Variants in MPP4 observed in about 807,000 individuals in gnomAD.
The protein encoded by MPP4 is MAGUK p55 scaffold protein 4.
A neutral mutation model predicts 98.3 loss-of-function variants in MPP4; 91 were observed. That is an observed-to-expected ratio of 0.93 (90% CI 0.78 to 1.10). The LOEUF is 1.10. Among genes scored for constraint, MPP4 ranks in the 50% least tolerant of loss-of-function variants. The pLI is 0.00. For missense variants in MPP4, 744 were observed against 792.9 expected, an observed-to-expected ratio of 0.94 and a Z score of 0.74; for synonymous variants, 261 against 271.8, an observed-to-expected ratio of 0.96 and a Z score of 0.39.
Position 201,665,116 on chromosome 2 carries a change from A to G in MPP4, c.1052-1015T>C, listed in dbSNP as rs960367237. The G allele has an allele frequency of 3.0e-5, 4 of 132,856 alleles. No homozygotes were observed. The East Asian group carries it at 7.0e-4, about 23-fold the overall frequency. The allele number at this position is 132,856 out of a possible 1,614,324, so 8.2% of individuals were successfully genotyped here. On this transcript the variant is annotated intron_variant, in intron 13 of 21. Transcript: ENST00000409474. ...AGTCTCGCTCTGTCGCCCAGGCTGG[A>G]GTGCAGTGGCGCAATCTCGGCTCAC...
At chr2:201,681,689 C>G in intron 8 of MPP4, 122 bp from the exon 9 acceptor site, 1 of 715,646 alleles carries the variant, frequency 1.4e-6, no homozygotes. Context: ...AAGAGCCTTT[C>G]ACAAGGGCTC....
At position 201,645,297 on chromosome 2, in the gene MPP4, G is replaced by T; in HGVS notation, c.1827C>A (p.Ala609=). 1.2e-6 allele frequency: 2 copies of T among 1,613,910 alleles called. No homozygotes were observed. Among genetic ancestry groups the T allele is most frequent in the Non-Finnish European group, 1.7e-6 (2 of 1,179,874 alleles). ...CCTTCTGTATGGCAGACAACAACTG[G>T]GCACATGCATCGTGCAAGCTGTCAT... ...IVNDSLHDAC[A]QLLSAIQKAQ... is the part of the protein sequence containing the mutation. The change falls in exon 22 of 22, where the codon GCC becomes GCA. Residue 609 remains alanine, a synonymous_variant. Transcript: ENST00000409474.
At chr2:201,682,582 G>A (rs980238684) in intron 8 of MPP4, among the ~76,000 whole-genome samples, 7 of 152,124 alleles carry the variant, frequency 4.6e-5, no homozygotes, top group Admixed American at 1.3e-4. Flanking sequence ...CAGTCTTCCC[G>A]TGGCTGAAGG....
intron 3 of MPP4, among the ~76,000 whole-genome samples, chr2:201,691,707 C>T (rs1297993428): frequency 6.6e-6 from 1 of 152,054 alleles, no homozygotes; most frequent in Non-Finnish European, 1.5e-5. Flanking sequence ...TTAGTAGAGA[C>T]AGGGTTTTGC....
At chr2:201,646,476 A>G (rs191661420) in intron 21 of MPP4, among the ~76,000 whole-genome samples, 1 of 152,300 alleles carries the variant, frequency 6.6e-6, no homozygotes, top group East Asian at 1.9e-4. Flanking sequence ...CTGAAACACA[A>G]ATGCAGGCAC....
chr2:201,655,697 T>C (rs1687828925), intron 17 of MPP4, among the ~76,000 whole-genome samples: 2 of 152,194 alleles, frequency 1.3e-5, no homozygotes, highest in Non-Finnish European at 2.9e-5. Context: ...AGGTCACTCC[T>C]GCACTATCTT....
intron 10 of MPP4, among the ~76,000 whole-genome samples, chr2:201,679,084 C>T (rs75895173): frequency 0.035 from 5,351 of 152,204 alleles, 114 homozygotes; most frequent in Middle Eastern, 0.092. Flanking sequence ...ACTAACACTT[C>T]CCATCTTCCC....
intron 21 of MPP4, among the ~76,000 whole-genome samples, chr2:201,646,399 C>T (rs559980311): frequency 5.3e-5 from 8 of 152,218 alleles, no homozygotes; most frequent in African/African-American, 1.9e-4. Context: ...GGCACTAATG[C>T]ATTAAATTCA....
intron 11 of MPP4, among the ~76,000 whole-genome samples, chr2:201,673,955 C>T (rs1389330780): frequency 1.3e-5 from 2 of 152,184 alleles, no homozygotes; most frequent in Non-Finnish European, 2.9e-5. Context: ...AGAAGGGCCT[C>T]GCTCAGTAGG....
chr2:201,673,026 A>C (rs1436324397), intron 11 of MPP4, among the ~76,000 whole-genome samples: 2 of 152,210 alleles, frequency 1.3e-5, no homozygotes, highest in Non-Finnish European at 2.9e-5. Context: ...ACCACAATCA[A>C]GTTGGCTTCA....
intron 18 of MPP4, among the ~76,000 whole-genome samples, chr2:201,653,855 TCACA>T (rs1687783961): frequency 6.6e-6 from 1 of 152,130 alleles, no homozygotes; most frequent in African/African-American, 2.4e-5. Context: ...GGTAAAAAAC[TCACA>T]CAACTCTATA....
chr2:201,676,803 G>C (rs977016538), intron 10 of MPP4, among the ~76,000 whole-genome samples: 1 of 152,154 alleles, frequency 6.6e-6, no homozygotes, highest in Non-Finnish European at 1.5e-5. Flanking sequence ...TGGAGGCTGA[G>C]GCAGGGAAAT....
At chr2:201,652,023 C>CT in intron 18 of MPP4, 5 of 974,432 alleles carry the variant, frequency 5.1e-6, no homozygotes, top group Non-Finnish European at 4.9e-6. Context: ...GTAGTTTTTG[C>CT]TTTTCAGATT....
Position 201,656,215 on chromosome 2 carries a change from C to T in MPP4, c.1283G>A (p.Arg428His), listed in dbSNP as rs770767656. The T allele has an allele frequency of 1.7e-5, 28 of 1,604,868 alleles. No homozygotes were observed. In the Admixed American group the frequency reaches 3.9e-4, roughly 22 times the overall value. Residue 428 changes from arginine (R) to histidine (H), a missense_variant, in exon 17 of 22, where the codon CGC becomes CAC. Arg to His is a conservative substitution (Grantham distance 29). Coordinates refer to ENST00000409474, the MANE Select transcript of MPP4 (RefSeq NM_033066.3). ...RYQRRPSDKYRLIVLMGPSGV... is the reference protein window; with the variant it reads ...RYQRRPSDKYHLIVLMGPSGV... ...GGACATACCCATGAGCACTATGAGGCGGTACTTGTCTGAAGGGCGTCGCTG... is the reference window on the plus strand; with the variant it reads ...GGACATACCCATGAGCACTATGAGGTGGTACTTGTCTGAAGGGCGTCGCTG...
intron 21 of MPP4, chr2:201,646,942 G>A (rs1687573471): frequency 6.6e-6 from 1 of 152,124 alleles, no homozygotes; most frequent in Non-Finnish European, 1.5e-5. Flanking sequence ...TGAGTTTTAT[G>A]TATTTTTACC....
Position 201,692,957 on chromosome 2 carries a change from C to T in MPP4, c.152G>A (p.Cys51Tyr), listed in dbSNP as rs1228219356. Reference protein sequence around the residue: ...LFYGRDVNGVCLLYDLLHSPW... With the variant: ...LFYGRDVNGVYLLYDLLHSPW... ...CGAGTGGAGGAGATCGTACAAGAGACACACTCCATTCACATCTCTGCCGTA... is the reference window on the plus strand; with the variant it reads ...CGAGTGGAGGAGATCGTACAAGAGATACACTCCATTCACATCTCTGCCGTA... Residue 51 changes from cysteine (C) to tyrosine (Y), a missense_variant, in exon 3 of 22, where the codon TGT becomes TAT. By Grantham distance (194) the Cys-to-Tyr change is radical (BLOSUM62 -2). Coordinates refer to ENST00000409474, the MANE Select transcript of MPP4 (RefSeq NM_033066.3). 6.2e-7 allele frequency: 1 copy of T among 1,612,720 alleles called. No individual in the cohort carries two copies. The highest frequency in any genetic ancestry group is 8.5e-7 in the Non-Finnish European group (1 of 1,179,426).
At position 201,681,536 on chromosome 2, in the gene MPP4, A is replaced by G. The variant is rs1688665818; in HGVS notation, c.692T>C (p.Val231Ala). The G allele has an allele frequency of 1.9e-6, 3 of 1,613,680 alleles. No homozygotes were observed. The highest frequency in any genetic ancestry group is 2.5e-6 in the Non-Finnish European group (3 of 1,179,840). ...CACAGGAGGGTCAGAGACTGGAACCACCTTGAACATGATTGTGCCTCGAGA... is the reference window on the plus strand; with the variant it reads ...CACAGGAGGGTCAGAGACTGGAACCGCCTTGAACATGATTGTGCCTCGAGA... ...AMSRGTIMFKVVPVSDPPVNS... is the reference protein window; with the variant it reads ...AMSRGTIMFKAVPVSDPPVNS... The change falls in exon 9 of 22, where the codon GTG becomes GCG. Residue 231 changes from valine to alanine, a missense_variant. Val to Ala is a moderately conservative substitution (Grantham distance 64). Coordinates refer to ENST00000409474, the MANE Select transcript of MPP4 (RefSeq NM_033066.3).
intron 4 of MPP4, among the ~76,000 whole-genome samples, chr2:201,689,223 G>T (rs781579809): frequency 1.3e-5 from 2 of 152,144 alleles, no homozygotes; most frequent in African/African-American, 4.8e-5. Context: ...AACTCAGGAG[G>T]CTGAGGCACG....
intron 18 of MPP4, among the ~76,000 whole-genome samples, chr2:201,654,367 G>A (rs1687797822): frequency 6.6e-6 from 1 of 152,206 alleles, no homozygotes; most frequent in Non-Finnish European, 1.5e-5. Context: ...TTTTTAGATA[G>A]TAAGCACTGG....
Sources: gnomAD v4.1 joint callset for allele counts (sites outside exome capture counted in the v4.1 genomes callset) on GRCh38, gnomAD v4.1.1 for gene constraint, MANE v1.5 for transcripts, NCBI Gene and HGNC (gene_info 2026-07-23, HGNC 2026-07-21) for gene names.